SKAP2: variants seen among roughly 807,000 people sequenced by gnomAD.
The protein encoded by SKAP2 is src kinase associated phosphoprotein 2.
In SKAP2, 28 loss-of-function variants were observed where a neutral mutation model predicts 54.9. The observed-to-expected ratio is 0.51, with a 90% CI of 0.38 to 0.70. The LOEUF (loss-of-function observed/expected upper bound fraction) is 0.70, where lower values mean the gene tolerates loss of function less well. Among genes scored for constraint, SKAP2 ranks in the 30% least tolerant of loss-of-function variants. The probability of loss-of-function intolerance (pLI) is 0.00; values close to 1 mark genes in which losing one functional copy is unlikely to be tolerated. For missense variants in SKAP2, 356 were observed against 424.1 expected (o/e 0.84, Z 1.41); for synonymous variants, 137 against 134.3 (o/e 1.02, Z -0.14).
At chr7:26,807,605 G>A (rs917421998) in intron 4 of SKAP2, among the ~76,000 whole-genome samples, 2 of 152,150 alleles carry the variant, frequency 1.3e-5, no homozygotes, top group African/African-American at 2.4e-5. Context: ...GTGTGAAAAT[G>A]GACTAATACA....
At chr7:26,846,489 T>C (rs1784924089) in intron 3 of SKAP2, among the ~76,000 whole-genome samples, 1 of 152,100 alleles carries the variant, frequency 6.6e-6, no homozygotes, top group South Asian at 2.1e-4. Context: ...GCAAACACGA[T>C]TCTATATTCA....
intron 4 of SKAP2, among the ~76,000 whole-genome samples, chr7:26,840,993 T>C (rs918994461): frequency 2.0e-5 from 3 of 152,098 alleles, no homozygotes; most frequent in Non-Finnish European, 4.4e-5. Flanking sequence ...CTACAAGCTA[T>C]ACAAAAATCT....
intron 3 of SKAP2, among the ~76,000 whole-genome samples, chr7:26,850,450 G>C (rs1785015972): frequency 1.3e-5 from 2 of 151,844 alleles, no homozygotes; most frequent in South Asian, 4.2e-4. Context: ...CGTACCTATA[G>C]TCCCAGCTAC....
intron 4 of SKAP2, among the ~76,000 whole-genome samples, chr7:26,781,034 AC>A (rs2127978180): frequency 6.6e-6 from 1 of 152,276 alleles, no homozygotes; most frequent in East Asian, 1.9e-4. Flanking sequence ...AACTTTATTT[AC>A]CAATGTTTAT....
chr7:26,741,538 CTAAATAAA>C (rs370860741), intron 4 of SKAP2, among the ~76,000 whole-genome samples: 1,424 of 80,530 alleles, frequency 0.018, 9 homozygotes, highest in African/African-American at 0.037. Context: ...GACCCTGTCT[CTAAATAAA>C]TAAATAAATA....
chr7:26,766,910 G>T (rs1783069238), intron 4 of SKAP2, among the ~76,000 whole-genome samples: 1 of 152,170 alleles, frequency 6.6e-6, no homozygotes, highest in South Asian at 2.1e-4. Context: ...GTTCATCAGG[G>T]ATATTGGCCT....
rs184510745 is a variant in SKAP2 at position 26,720,315 on chromosome 7, G to A, written c.796+5113C>T. Reference sequence around the variant, plus strand: ...ATGAAAGGAATTTGCAATGCCAATGGCAACATAGAGAAAAGCTACAAGACA... The same window carrying A: ...ATGAAAGGAATTTGCAATGCCAATGACAACATAGAGAAAAGCTACAAGACA... On this transcript the variant is annotated intron_variant, in intron 9 of 12. Transcript: ENST00000345317. Among the ~76,000 whole-genome samples the A allele has an allele frequency of 6.5e-3, 992 of 152,216 alleles. 10 individuals are homozygous for A. Among genetic ancestry groups the A allele is most frequent in the Middle Eastern group, 0.044 (13 of 294 alleles).
chr7:26,739,830 A>G, intron 5 of SKAP2, 57 bp downstream of exon 5: 2 of 1,246,012 alleles, frequency 1.6e-6, no homozygotes, highest in South Asian at 2.5e-5. Flanking sequence ...TACTACAAAC[A>G]TGTTCTATCT....
chr7:26,698,298 A>G (rs537305342), intron 9 of SKAP2, among the ~76,000 whole-genome samples: 12 of 152,334 alleles, frequency 7.9e-5, no homozygotes, highest in African/African-American at 2.9e-4. Flanking sequence ...CACATCCCTT[A>G]TACCAGCAGT....
At chr7:26,824,821 T>C (rs1784454041) in intron 4 of SKAP2, among the ~76,000 whole-genome samples, 1 of 152,214 alleles carries the variant, frequency 6.6e-6, no homozygotes, top group South Asian at 2.1e-4. Flanking sequence ...CTCCATGGGC[T>C]GTAGATTGCC....
chr7:26,674,401 G>A (rs147774509), intron 11 of SKAP2, among the ~76,000 whole-genome samples: 1 of 152,154 alleles, frequency 6.6e-6, no homozygotes, highest in Non-Finnish European at 1.5e-5. Context: ...TACCTCTTTA[G>A]TCTCTTTTTT....
At chr7:26,755,112 A>G (rs767704807) in intron 4 of SKAP2, among the ~76,000 whole-genome samples, 2 of 152,190 alleles carry the variant, frequency 1.3e-5, no homozygotes, top group Non-Finnish European at 2.9e-5. Context: ...AAATTTACAA[A>G]TATGTTTTAT....
At chr7:26,798,859 G>T (rs1163228708) in intron 4 of SKAP2, among the ~76,000 whole-genome samples, 10 of 152,048 alleles carry the variant, frequency 6.6e-5, no homozygotes, top group Non-Finnish European at 1.5e-4. Context: ...AAAATAATGG[G>T]TTATAAGATA....
intron 10 of SKAP2, 77 bp downstream of exon 10, chr7:26,690,208 G>C: frequency 9.3e-7 from 1 of 1,078,448 alleles, no homozygotes; most frequent in Non-Finnish European, 1.4e-6. Context: ...AACATCTTTA[G>C]AACAGTAAGA....
intron 4 of SKAP2, among the ~76,000 whole-genome samples, chr7:26,771,527 G>A (rs963901702): frequency 6.6e-6 from 1 of 152,136 alleles, no homozygotes; most frequent in African/African-American, 2.4e-5. Context: ...ATTTTATATA[G>A]TATGTTATAG....
intron 6 of SKAP2, among the ~76,000 whole-genome samples, chr7:26,727,310 C>T (rs1181419480): frequency 6.6e-6 from 1 of 151,946 alleles, no homozygotes; most frequent in Non-Finnish European, 1.5e-5. Context: ...TAGACAAACC[C>T]ACCACAAACC....
Position 26,684,755 on chromosome 7 carries a change from A to T in SKAP2, c.968T>A (p.Val323Glu). The T allele has an allele frequency of 1.9e-6, 3 of 1,609,602 alleles. No homozygotes were observed. Among genetic ancestry groups the T allele is most frequent in the Non-Finnish European group, 2.6e-6 (3 of 1,176,250 alleles). The change falls in exon 11 of 13, where the codon GTG becomes GAG. Residue 323 changes from valine (V) to glutamate (E), a missense_variant. Transcript: ENST00000345317. Reference sequence around the variant, plus strand: ...TCTTACCTTGCTAAGAATGTAAATCACATCACCACGCTTAAATGACAACTC... The same window carrying T: ...TCTTACCTTGCTAAGAATGTAAATCTCATCACCACGCTTAAATGACAACTC... ...SDELSFKRGDVIYILSKEYNR... is the reference protein window; with the variant it reads ...SDELSFKRGDEIYILSKEYNR...
chr7:26,746,142 T>A (rs1782556392), intron 4 of SKAP2, among the ~76,000 whole-genome samples: 1 of 152,208 alleles, frequency 6.6e-6, no homozygotes, highest in Non-Finnish European at 1.5e-5. Flanking sequence ...AGGTCCACTA[T>A]CTTAGTGACA....
At position 26,697,289 on chromosome 7, in the gene SKAP2, G is replaced by A. The variant is rs139052518; in HGVS notation, c.797-6927C>T. Among the ~76,000 whole-genome samples the A allele has an allele frequency of 1.2e-4, 18 of 152,216 alleles. No homozygotes were observed. In the East Asian group the frequency reaches 3.3e-3, roughly 28 times the overall value. Reference sequence around the variant, plus strand: ...TTCAGGAGCAGTCTTGTATACACTCGATCACCTACAGGCAATTAGGCAATT... The same window carrying A: ...TTCAGGAGCAGTCTTGTATACACTCAATCACCTACAGGCAATTAGGCAATT... On this transcript the variant is annotated intron_variant, in intron 9 of 12. Transcript: ENST00000345317.
Sources: gnomAD v4.1 joint callset for allele counts (sites outside exome capture counted in the v4.1 genomes callset) on GRCh38, gnomAD v4.1.1 for gene constraint, MANE v1.5 for transcripts, NCBI Gene and HGNC (gene_info 2026-07-23, HGNC 2026-07-21) for gene names.